GALNT13: variants seen among roughly 807,000 people sequenced by gnomAD.
GALNT13 encodes the protein UDP-GalNAc:polypeptide N-acetylgalactosaminyltransferase 13.
A neutral mutation model predicts 64.2 loss-of-function variants in GALNT13; 28 were observed. That is an observed-to-expected ratio of 0.44 (90% CI 0.32 to 0.60). The LOEUF (loss-of-function observed/expected upper bound fraction) is 0.60, where lower values mean the gene tolerates loss of function less well. Ranked by LOEUF, GALNT13 falls within the 20% of genes least tolerant of loss-of-function variation. GALNT13 has a pLI of 0.05. For missense variants in GALNT13, 577 were observed against 669.8 expected, an observed-to-expected ratio of 0.86 and a Z score of 1.53; for synonymous variants, 214 against 224.6, an observed-to-expected ratio of 0.95 and a Z score of 0.42.
In GALNT13 at chr2:154,169,530, G is replaced by A. The variant is rs372629616; in HGVS notation, c.311+29025G>A. Among the ~76,000 whole-genome samples, 3 of 152,132 alleles carry A rather than the reference G, an allele frequency of 2.0e-5. 1 individual carries two copies. Among genetic ancestry groups the A allele is most frequent in the Admixed American group, 1.3e-4 (2 of 15,270 alleles). On this transcript the variant is annotated intron_variant, in intron 4 of 12. Coordinates refer to ENST00000392825, the MANE Select transcript of GALNT13 (RefSeq NM_052917.4). ...CTTCCAATCCTATGGAGGGTTTTGA[G>A]AATGGGACACGACACCCTTCAAAAC...
chr2:153,959,349 G>A (rs960573565), intron 3 of GALNT13, among the ~76,000 whole-genome samples: 2 of 152,132 alleles, frequency 1.3e-5, no homozygotes, highest in African/African-American at 4.8e-5. Context: ...GCATCCCAGA[G>A]TCAACACAAC....
intron 4 of GALNT13, among the ~76,000 whole-genome samples, chr2:154,185,098 A>G (rs1686178524): frequency 6.6e-6 from 1 of 152,072 alleles, no homozygotes; most frequent in Non-Finnish European, 1.5e-5. Context: ...TTATCTTTTT[A>G]TTTGACAGCT....
the GALNT13 span, among the ~76,000 whole-genome samples, chr2:153,785,911 T>G: frequency 6.6e-6 from 1 of 151,494 alleles, no homozygotes; most frequent in Non-Finnish European, 1.5e-5. Context: ...AGCAGCCACC[T>G]CACAGAAAAG....
chr2:154,406,621 A>G (rs1699555356), intron 10 of GALNT13, among the ~76,000 whole-genome samples: 1 of 152,010 alleles, frequency 6.6e-6, no homozygotes, highest in African/African-American at 2.4e-5. Flanking sequence ...CTTTATTCCA[A>G]CTGACCTTTC....
At chr2:153,302,724 T>G in the GALNT13 span, among the ~76,000 whole-genome samples, 2 of 152,176 alleles carry the variant, frequency 1.3e-5, no homozygotes, top group Non-Finnish European at 2.9e-5. Context: ...TTGAGTTGAT[T>G]TTTTTGTATA....
chr2:154,329,382 C>A (rs972913950), intron 9 of GALNT13, among the ~76,000 whole-genome samples: 4 of 152,178 alleles, frequency 2.6e-5, no homozygotes, highest in Non-Finnish European at 4.4e-5. Flanking sequence ...GGATTACAGG[C>A]GTAAGCCACC....
At chr2:154,273,221 A>T (rs546227623) in intron 8 of GALNT13, among the ~76,000 whole-genome samples, 1 of 152,308 alleles carries the variant, frequency 6.6e-6, no homozygotes, top group East Asian at 1.9e-4. Context: ...GTAGAGAACT[A>T]CATTACCTAG....
At chr2:153,446,170 T>C in the GALNT13 span, among the ~76,000 whole-genome samples, 1 of 152,022 alleles carries the variant, frequency 6.6e-6, no homozygotes, top group Admixed American at 6.6e-5. Context: ...GATTTAGGGG[T>C]AGGAGTTAGG....
chr2:153,789,294 TA>T, the GALNT13 span, among the ~76,000 whole-genome samples: 3 of 151,910 alleles, frequency 2.0e-5, no homozygotes, highest in Non-Finnish European at 4.4e-5. Flanking sequence ...ACTAAAAAAT[TA>T]ATCAAAACTA....
intron 1 of GALNT13, among the ~76,000 whole-genome samples, chr2:153,896,935 T>C (rs1574067169): frequency 1.3e-5 from 2 of 152,324 alleles, no homozygotes; most frequent in African/African-American, 4.8e-5. Context: ...TTATAAGAAT[T>C]GTGTTTAAGA....
intron 1 of GALNT13, among the ~76,000 whole-genome samples, chr2:153,873,406 A>T (rs1686129435): frequency 6.6e-6 from 1 of 152,166 alleles, no homozygotes. Context: ...CGCATACCCG[A>T]TTCTTTGACT....
intron 1 of GALNT13, among the ~76,000 whole-genome samples, chr2:153,876,139 T>C (rs1218937271): frequency 6.6e-6 from 1 of 151,962 alleles, no homozygotes; most frequent in East Asian, 1.9e-4. Context: ...GTCCTACATA[T>C]ATATACTCAT....
the GALNT13 span, among the ~76,000 whole-genome samples, chr2:153,514,644 T>C: frequency 6.6e-6 from 1 of 152,160 alleles, no homozygotes. Context: ...CAGAGGAACT[T>C]ACCAGGATTT....
chr2:153,631,416 C>T, the GALNT13 span, among the ~76,000 whole-genome samples: 3 of 152,212 alleles, frequency 2.0e-5, no homozygotes, highest in African/African-American at 7.2e-5. Flanking sequence ...AACTAGTTTA[C>T]AGTCCTATCA....
chr2:154,170,083 T>C (rs1359553194), intron 4 of GALNT13, among the ~76,000 whole-genome samples: 8 of 152,180 alleles, frequency 5.3e-5, no homozygotes, highest in Non-Finnish European at 1.2e-4. Context: ...GAACTAGTCT[T>C]TCATCATTGA....
intron 4 of GALNT13, among the ~76,000 whole-genome samples, chr2:154,170,392 C>G (rs1685282975): frequency 6.6e-6 from 1 of 152,124 alleles, no homozygotes; most frequent in Non-Finnish European, 1.5e-5. Flanking sequence ...CCCACCAAAA[C>G]TGTATTCAAT....
In GALNT13 at chr2:154,041,719, G is replaced by C. The variant is rs1351676653; in HGVS notation, c.142+97080G>C. On this transcript the variant is annotated intron_variant, in intron 3 of 12. Coordinates refer to ENST00000392825, the MANE Select transcript of GALNT13 (RefSeq NM_052917.4). ...TCTGTAATGATATGAAGTATAATTTGTATTTACTTTCTTCAAATATGGGAA... is the reference window on the plus strand; with the variant it reads ...TCTGTAATGATATGAAGTATAATTTCTATTTACTTTCTTCAAATATGGGAA... Among the ~76,000 whole-genome samples, 3 of 140,642 alleles carry C rather than the reference G, an allele frequency of 2.1e-5. No individual in the cohort carries two copies. In the East Asian group the frequency reaches 6.0e-4, roughly 28 times the overall value. 92.3% of individuals were successfully genotyped at this position (140,642 alleles called of 152,430 possible).
the GALNT13 span, among the ~76,000 whole-genome samples, chr2:153,254,205 A>C: frequency 6.6e-6 from 1 of 152,110 alleles, no homozygotes; most frequent in Non-Finnish European, 1.5e-5. Context: ...GGGAGGGTGT[A>C]TGTGTCAAGG....
At position 154,134,498 on chromosome 2, in the gene GALNT13, T is replaced by C. The variant is rs190134104; in HGVS notation, c.143-5839T>C. On this transcript the variant is annotated intron_variant, in intron 3 of 12. Coordinates refer to ENST00000392825, the MANE Select transcript of GALNT13 (RefSeq NM_052917.4). The stretch of plus-strand genomic sequence containing the variant: ...TTTCAGGCAAATTTACAAAGATGTA[T>C]ACATAAGGAAGAATATTAATTGCAT... Among the ~76,000 whole-genome samples the C allele has an allele frequency of 2.3e-3, 347 of 152,302 alleles. 2 individuals are homozygous for C. Among genetic ancestry groups the C allele is most frequent in the African/African-American group, 7.5e-3 (310 of 41,556 alleles).
Sources: gnomAD v4.1 joint callset for allele counts (sites outside exome capture counted in the v4.1 genomes callset) on GRCh38, gnomAD v4.1.1 for gene constraint, MANE v1.5 for transcripts, NCBI Gene and HGNC (gene_info 2026-07-23, HGNC 2026-07-21) for gene names.